RANBP10: variants seen among roughly 807,000 people sequenced by gnomAD.
The protein encoded by RANBP10 is RAN binding protein 10, also known as ran-binding protein 10.
Under a neutral mutation model 72.8 loss-of-function variants are expected in RANBP10, and 24 were observed. That is an observed-to-expected ratio of 0.33 (90% CI 0.24 to 0.46). The LOEUF is 0.46. Ranked by LOEUF, RANBP10 falls within the 20% of genes least tolerant of loss-of-function variation. The pLI is 1.00. For missense variants in RANBP10, 679 were observed against 817.5 expected (o/e 0.83, Z 2.07); for synonymous variants, 310 against 322.3 (o/e 0.96, Z 0.41).
intron 4 of RANBP10, among the ~76,000 whole-genome samples, chr16:67,743,971 T>C (rs747773349): frequency 6.6e-6 from 1 of 152,048 alleles, no homozygotes; most frequent in Non-Finnish European, 1.5e-5. Context: ...CCACGCAACC[T>C]ATGCAAGGGT....
chr16:67,731,184 A>G, intron 7 of RANBP10: 1 of 357,532 alleles, frequency 2.8e-6, no homozygotes, highest in East Asian at 7.0e-5. Flanking sequence ...GAAGGAAACA[A>G]GCAGGGAGGA....
chr16:67,735,299 T>C (rs1394535163), intron 5 of RANBP10, among the ~76,000 whole-genome samples: 1 of 152,196 alleles, frequency 6.6e-6, no homozygotes, highest in Non-Finnish European at 1.5e-5. Context: ...GGCCATTGTG[T>C]CCTCAAGGCC....
intron 10 of RANBP10, 113 bp from the exon 11 acceptor site, chr16:67,728,624 C>T: frequency 6.4e-7 from 1 of 1,567,896 alleles, no homozygotes; most frequent in Non-Finnish European, 8.6e-7. Context: ...CGAGGACCCC[C>T]AGGAACATGA....
rs1474961731 is a variant in RANBP10 at position 67,772,020 on chromosome 16, A to T, written c.400+14T>A. ...AGGAGAGCAGAACAAATGTTCTCTT[A>T]AACAGTGACTCACCAGGAAGTCTGT... On this transcript the variant is annotated intron_variant, in intron 3 of 13. Coordinates refer to ENST00000317506, the MANE Select transcript of RANBP10 (RefSeq NM_020850.3). The T allele has an allele frequency of 5.6e-6, 9 of 1,611,804 alleles. No individual in the cohort carries two copies. The highest frequency in any genetic ancestry group is 1.7e-5 in the Admixed American group (1 of 59,584).
In RANBP10 at chr16:67,728,506, C is replaced by T. The variant is rs771540761; in HGVS notation, c.1358G>A (p.Ser453Asn). 6.2e-7 allele frequency: 1 copy of T among 1,614,042 alleles called. No individual in the cohort carries two copies. The highest frequency in any genetic ancestry group is 8.5e-7 in the Non-Finnish European group (1 of 1,180,040). Residue 453 changes from serine (S) to asparagine (N), a missense_variant, in exon 11 of 14, where the codon AGT becomes AAT. Transcript: ENST00000317506. Reference sequence around the variant, plus strand: ...GTGCTCTGCCTCCATCTCCATCTCACTGTCGCTGTGGGGAGGGGTTGAGGT... The same window carrying T: ...GTGCTCTGCCTCCATCTCCATCTCATTGTCGCTGTGGGGAGGGGTTGAGGT... ...SSTSNQETSD[S>N]EMEMEAEHYP...
rs2053696067 is a variant in RANBP10 at position 67,730,062 on chromosome 16, A to C, written c.890-16T>G. On this transcript the variant is annotated splice_polypyrimidine_tract_variant and intron_variant, in intron 7 of 13. Transcript: ENST00000317506. This position sits in a 1 kb window ranked among gnomAD's most constrained non-coding sequence, Gnocchi z 4.3. The stretch of plus-strand genomic sequence containing the variant: ...TTCTGGATCTCTGCAGGGTGCAAGA[A>C]CACAGCAGTGAGCGAGGGCTACAGG... 1 of 1,608,992 alleles carries C rather than the reference A, an allele frequency of 6.2e-7. No homozygotes were observed. The highest frequency in any genetic ancestry group is 8.5e-7 in the Non-Finnish European group (1 of 1,179,168).
At position 67,726,321 on chromosome 16, in the gene RANBP10, ACT is replaced by A; in HGVS notation, c.*105_*106del. On this transcript the variant is annotated 3_prime_UTR_variant, in exon 14 of 14. Transcript: ENST00000317506. ...GGGAAAGGCCAGGCAGGAGGAGTGG[ACT>A]CTGTCTATGGTTTCCCAGTCCCTGC... 6.6e-7 allele frequency: 1 copy of A among 1,522,360 alleles called. No homozygotes were observed. The highest frequency in any genetic ancestry group is 8.9e-7 in the Non-Finnish European group (1 of 1,120,586). The allele number at this position is 1,522,360 out of a possible 1,614,324, so 94.3% of individuals were successfully genotyped here. A position where few individuals can be genotyped will look rare whatever the true frequency, so the allele number is the denominator to read the frequency against.
chr16:67,772,210 TATAAC>T, intron 2 of RANBP10, 124 bp from the exon 3 acceptor site: 6 of 982,758 alleles, frequency 6.1e-6, no homozygotes, highest in South Asian at 1.7e-5. Context: ...TAGAGGCTCT[TATAAC>T]ATACTAATGG....
Position 67,731,457 on chromosome 16 carries a change from T to C in RANBP10, c.889+15A>G, listed in dbSNP as rs751403221. 10 of 1,596,300 alleles carry C rather than the reference T, an allele frequency of 6.3e-6. No individual in the cohort carries two copies. Among genetic ancestry groups the C allele is most frequent in the South Asian group, 5.5e-5 (5 of 90,724 alleles). ...CAGGTGAGGAAGGGAAAGGGGAAAG[T>C]AGAATAAACCTTACTTTGTCTGTTC... On this transcript the variant is annotated intron_variant, in intron 7 of 13. Transcript: ENST00000317506.
intron 3 of RANBP10, among the ~76,000 whole-genome samples, chr16:67,747,916 G>A (rs1319035829): frequency 6.7e-6 from 1 of 150,002 alleles, no homozygotes; most frequent in Non-Finnish European, 1.5e-5. Flanking sequence ...CGCCTCCCAG[G>A]TTCACGCCAT....
chr16:67,741,792 G>C (rs2053974705), intron 4 of RANBP10, among the ~76,000 whole-genome samples: 1 of 152,222 alleles, frequency 6.6e-6, no homozygotes, highest in African/African-American at 2.4e-5. Flanking sequence ...TGTTGACAGA[G>C]GAAAGGAGCA....
At chr16:67,788,755 C>A (rs554044791) in intron 2 of RANBP10, among the ~76,000 whole-genome samples, 2 of 151,342 alleles carry the variant, frequency 1.3e-5, no homozygotes. Flanking sequence ...AATTCCAGCA[C>A]TTTGGGAGGC....
At chr16:67,740,905 A>T (rs2053957136) in intron 4 of RANBP10, among the ~76,000 whole-genome samples, 1 of 152,174 alleles carries the variant, frequency 6.6e-6, no homozygotes, top group Non-Finnish European at 1.5e-5. Flanking sequence ...CTCTGTACCC[A>T]GGAGAAGACC....
rs2053560037 is a variant in RANBP10, at chr16:67,723,595, T to G, written c.*2833A>C. ...AGCCACAGACCCATGAGGATGGGGA[T>G]GGGGGTTCTGGCTTGCTATGAGTGC... On this transcript the variant is annotated 3_prime_UTR_variant, in exon 14 of 14. Coordinates refer to ENST00000317506, the MANE Select transcript of RANBP10 (RefSeq NM_020850.3). 6.6e-6 allele frequency: 1 copy of G among 152,624 alleles called. No homozygotes were observed. The highest frequency in any genetic ancestry group is 2.1e-4 in the South Asian group (1 of 4,836). The allele number at this position is 152,624 out of a possible 1,614,324, so 9.5% of individuals were successfully genotyped here.
chr16:67,801,549 T>C lies in RANBP10; in HGVS notation c.347+3879A>G, dbSNP rs191962839. On this transcript the variant is annotated intron_variant, in intron 2 of 13. Coordinates refer to ENST00000317506, the MANE Select transcript of RANBP10 (RefSeq NM_020850.3). ...TGGGAAGGTAGATGATCACCTGCTC[T>C]AGCCACTTGCCAGAGATGCTGTGAG... 2.6e-5 allele frequency among the ~76,000 whole-genome samples: 4 copies of C among 152,270 alleles called. No homozygotes were observed. The East Asian group carries it at 7.7e-4, about 29-fold the overall frequency.
intron 3 of RANBP10, among the ~76,000 whole-genome samples, chr16:67,767,044 CAA>C (rs2054515742): frequency 6.6e-6 from 1 of 152,166 alleles, no homozygotes; most frequent in African/African-American, 2.4e-5. Context: ...TTTCCCTTGC[CAA>C]AGAGAAGTGC....
At chr16:67,761,212 C>T (rs926879284) in intron 3 of RANBP10, among the ~76,000 whole-genome samples, 12 of 152,230 alleles carry the variant, frequency 7.9e-5, no homozygotes, top group African/African-American at 2.4e-4. Context: ...AAACCTCTGA[C>T]CATGCAAACT....
chr16:67,734,059 A>AAG (rs1174802912), intron 6 of RANBP10, among the ~76,000 whole-genome samples: 47 of 152,220 alleles, frequency 3.1e-4, no homozygotes, highest in African/African-American at 1.0e-3. Flanking sequence ...CCCCTGCCTC[A>AAG]GCCCATCCTT....
At chr16:67,744,050 G>A (rs2054020415) in intron 4 of RANBP10, 1 of 973,396 alleles carries the variant, frequency 1.0e-6, no homozygotes, top group African/African-American at 1.8e-5. Context: ...ATCACGACCA[G>A]GATACTGCTG....
Sources: gnomAD v4.1 joint callset for allele counts (sites outside exome capture counted in the v4.1 genomes callset) on GRCh38, gnomAD v4.1.1 for gene constraint, Gnocchi (gnomAD v3.1) non-coding constraint, MANE v1.5 for transcripts, NCBI Gene and HGNC (gene_info 2026-07-23, HGNC 2026-07-21) for gene names.